Variants in CNBD1 observed in about 807,000 individuals in gnomAD.
CNBD1 encodes the protein cyclic nucleotide-binding domain-containing protein 1.
CNBD1 carries 71 observed loss-of-function variants against 54.4 expected under a neutral mutation model. The observed-to-expected ratio is 1.30, with a 90% confidence interval of 1.08 to 1.59. The LOEUF (loss-of-function observed/expected upper bound fraction) is 1.59, where lower values mean the gene tolerates loss of function less well. Among genes scored for constraint, CNBD1 ranks in the 40% most tolerant of loss-of-function variants. The probability of loss-of-function intolerance (pLI) is 0.00; values close to 1 mark genes in which losing one functional copy is unlikely to be tolerated. For synonymous variants in CNBD1, 182 were observed against 170.7 expected (o/e 1.07, Z -0.51); for missense variants, 659 against 518.0 (o/e 1.27, Z -2.64).
At chr8:87,249,870 G>A (rs914096432) in intron 6 of CNBD1, among the ~76,000 whole-genome samples, 1 of 152,122 alleles carries the variant, frequency 6.6e-6, no homozygotes, top group Non-Finnish European at 1.5e-5. Flanking sequence ...ACTTCAAACT[G>A]TTAGAAGAAA....
chr8:87,306,932 C>A (rs1421805223), intron 8 of CNBD1, among the ~76,000 whole-genome samples: 1 of 151,940 alleles, frequency 6.6e-6, no homozygotes, highest in Admixed American at 6.6e-5. Flanking sequence ...AGTCAATGTA[C>A]CCCAGGATAT....
At chr8:86,911,327 A>T (rs561473964) in intron 3 of CNBD1, among the ~76,000 whole-genome samples, 1 of 152,296 alleles carries the variant, frequency 6.6e-6, no homozygotes, top group Non-Finnish European at 1.5e-5. Context: ...CTTCACCCTC[A>T]CTATCTGCCT....
chr8:87,303,997 G>A (rs1328078357), intron 8 of CNBD1, among the ~76,000 whole-genome samples: 1 of 152,176 alleles, frequency 6.6e-6, no homozygotes, highest in East Asian at 1.9e-4. Flanking sequence ...ACAGGTGCTG[G>A]AGAGGATATG....
chr8:87,049,424 C>T (rs1810268871), intron 4 of CNBD1, among the ~76,000 whole-genome samples: 2 of 152,162 alleles, frequency 1.3e-5, no homozygotes, highest in South Asian at 4.2e-4. Flanking sequence ...TTTATTTGAG[C>T]ATCCTTCTGA....
chr8:86,899,023 C>G (rs1808891687), intron 2 of CNBD1, among the ~76,000 whole-genome samples: 2 of 152,168 alleles, frequency 1.3e-5, no homozygotes, highest in African/African-American at 4.8e-5. Context: ...TTGCCATTTG[C>G]TACAACATAG....
intron 6 of CNBD1, among the ~76,000 whole-genome samples, chr8:87,250,846 T>G (rs1807901298): frequency 6.6e-6 from 1 of 152,056 alleles, no homozygotes; most frequent in African/African-American, 2.4e-5. Context: ...GATTGGGGGA[T>G]AAAGTGAGAT....
chr8:87,021,056 C>T (rs1809478416), intron 4 of CNBD1, among the ~76,000 whole-genome samples: 1 of 152,202 alleles, frequency 6.6e-6, no homozygotes, highest in Non-Finnish European at 1.5e-5. Flanking sequence ...TTTGAGTTGT[C>T]CCGCCTTTCT....
chr8:87,190,896 T>A (rs116123845), intron 4 of CNBD1, among the ~76,000 whole-genome samples: 10 of 138,566 alleles, frequency 7.2e-5, no homozygotes, highest in African/African-American at 9.3e-5. Flanking sequence ...CGTATATCTA[T>A]TTAGATATAG....
intron 4 of CNBD1, among the ~76,000 whole-genome samples, chr8:87,010,207 C>G (rs924502712): frequency 6.6e-6 from 1 of 152,058 alleles, no homozygotes; most frequent in Non-Finnish European, 1.5e-5. Flanking sequence ...TTCTTCCTAC[C>G]TTTTTCCCCC....
rs113278955 is a variant in CNBD1, at chr8:87,267,003, T to C, written c.772-17675T>C. On this transcript the variant is annotated intron_variant, in intron 6 of 10. Transcript: ENST00000518476. ...AAGTAACAGACTTACAGAAGGAAACTATATTGATACCTGTTTAAAATCAGC... is the reference window on the plus strand; with the variant it reads ...AAGTAACAGACTTACAGAAGGAAACCATATTGATACCTGTTTAAAATCAGC... Among the ~76,000 whole-genome samples, 129 of 151,966 alleles carry C rather than the reference T, an allele frequency of 8.5e-4. 1 individual carries two copies. The highest frequency in any genetic ancestry group is 3.1e-3 in the African/African-American group (127 of 41,286).
rs545390329 is a variant in CNBD1 at position 87,328,672 on chromosome 8, C to T, written c.1043-23013C>T. Among the ~76,000 whole-genome samples, 8 of 152,168 alleles carry T rather than the reference C, an allele frequency of 5.3e-5. No homozygotes were observed. In the South Asian group the frequency reaches 1.0e-3, roughly 20 times the overall value. ...ATTGGGTTTTAAATACAAATTTCAT[C>T]AAATCTTTAGATTACTTTGGGTATT... On this transcript the variant is annotated intron_variant, in intron 8 of 10. Transcript: ENST00000518476.
intron 2 of CNBD1, among the ~76,000 whole-genome samples, chr8:87,424,502 C>T (rs1009414871): frequency 1.3e-5 from 2 of 152,176 alleles, no homozygotes; most frequent in Admixed American, 6.5e-5. Flanking sequence ...TTTCAAAGAA[C>T]ATCTTTATTT....
At chr8:86,893,940 A>G (rs911009936) in intron 2 of CNBD1, among the ~76,000 whole-genome samples, 1 of 151,166 alleles carries the variant, frequency 6.6e-6, no homozygotes, top group African/African-American at 2.4e-5. Context: ...TACCAAACTT[A>G]TAAGTGGAAT....
intron 4 of CNBD1, among the ~76,000 whole-genome samples, chr8:87,061,462 G>A (rs1586230155): frequency 6.6e-6 from 1 of 152,134 alleles, no homozygotes. Flanking sequence ...TAATCATAAA[G>A]ATTCAATCCT....
chr8:87,262,431 T>C (rs1007814676), intron 6 of CNBD1, among the ~76,000 whole-genome samples: 1 of 152,190 alleles, frequency 6.6e-6, no homozygotes, highest in Non-Finnish European at 1.5e-5. Flanking sequence ...GTAAGGGTTA[T>C]TTCAGAAGAG....
chr8:87,325,240 G>A (rs1195708966), intron 8 of CNBD1, among the ~76,000 whole-genome samples: 1 of 95,170 alleles, frequency 1.1e-5, no homozygotes, highest in Non-Finnish European at 2.1e-5. Flanking sequence ...GTCAATTTTG[G>A]AATAGGTGTG....
rs1814131449 is a variant in CNBD1 at position 87,212,907 on chromosome 8, C to T, written c.577+6769C>T. ...GCTTCAAAGAATAGAATCAATAAGGCAAAAATGCAGCCCTTGAAATGGAAC... is the reference window on the plus strand; with the variant it reads ...GCTTCAAAGAATAGAATCAATAAGGTAAAAATGCAGCCCTTGAAATGGAAC... On this transcript the variant is annotated intron_variant, in intron 5 of 10. Transcript: ENST00000518476. Among the ~76,000 whole-genome samples, 4 of 151,864 alleles carry T rather than the reference C, an allele frequency of 2.6e-5. No homozygotes were observed. The South Asian group carries it at 8.3e-4, about 32-fold the overall frequency.
chr8:87,140,109 A>T (rs1418796166), intron 4 of CNBD1, among the ~76,000 whole-genome samples: 1 of 152,194 alleles, frequency 6.6e-6, no homozygotes, highest in Non-Finnish European at 1.5e-5. Flanking sequence ...CCCACACAGA[A>T]TAGTCCATTA....
intron 4 of CNBD1, among the ~76,000 whole-genome samples, chr8:87,205,142 A>G (rs1298264016): frequency 6.6e-6 from 1 of 152,140 alleles, no homozygotes; most frequent in East Asian, 1.9e-4. Context: ...AATTCCCTTT[A>G]TGATGCTAAA....
Sources: allele counts gnomAD v4.1 joint callset (sites outside exome capture counted in the v4.1 genomes callset), GRCh38; gene constraint gnomAD v4.1.1; transcripts MANE v1.5; gene names NCBI Gene and HGNC (gene_info 2026-07-23, HGNC 2026-07-21).